ABCB5: variants seen among roughly 807,000 people sequenced by gnomAD.
ABCB5 encodes ATP-binding cassette sub-family B member 5.
Under a neutral mutation model 144.2 loss-of-function variants are expected in ABCB5, and 155 were observed. That is an observed-to-expected ratio of 1.08 (90% CI 0.94 to 1.23). ABCB5 has a LOEUF of 1.23. ABCB5 is among the 50% of genes most tolerant of loss of function. The probability of loss-of-function intolerance (pLI) is 0.00; values close to 1 mark genes in which losing one functional copy is unlikely to be tolerated. For synonymous variants in ABCB5, 610 were observed against 528.6 expected (o/e 1.15, Z -2.11); for missense variants, 1,830 against 1,520.8 (o/e 1.20, Z -3.38).
At position 20,645,863 on chromosome 7, in the gene ABCB5, G is replaced by T; in HGVS notation, c.786G>T (p.Gln262His). The T allele has an allele frequency of 8.7e-6, 14 of 1,613,662 alleles. No homozygotes were observed. Among genetic ancestry groups the T allele is most frequent in the Non-Finnish European group, 1.2e-5 (14 of 1,179,744 alleles). The change falls in exon 8 of 28, where the codon CAG becomes CAT. Residue 262 changes from glutamine (Q) to histidine (H), a missense_variant. Physicochemically the swap from Gln to His is conservative, Grantham distance 24. Coordinates refer to ENST00000404938, the MANE Select transcript of ABCB5 (RefSeq NM_001163941.2). ...SIRTVIAFRA[Q>H]EKELQRYTQN... ...GAACAGTCATAGCCTTTAGGGCCCA[G>T]GAGAAAGAACTTCAAAGGTCTTTCC...
At chr7:20,663,561 G>A (rs1785072879) in intron 14 of ABCB5, among the ~76,000 whole-genome samples, 1 of 152,142 alleles carries the variant, frequency 6.6e-6, no homozygotes, top group Non-Finnish European at 1.5e-5. Flanking sequence ...GAAAGTAGAA[G>A]AGCGGTTACT....
At chr7:20,739,168 A>C in intron 24 of ABCB5, 29 bp downstream of exon 24, 1 of 1,537,488 alleles carries the variant, frequency 6.5e-7, no homozygotes, top group Non-Finnish European at 8.8e-7. Flanking sequence ...TTAAATGTCC[A>C]AATAAAGATG....
In ABCB5 at chr7:20,704,823, T is replaced by A; in HGVS notation, c.2421+16T>A. On this transcript the variant is annotated intron_variant, in intron 20 of 27. Transcript: ENST00000404938. ...AATTCAAGGAGTATGTATATTGTTT[T>A]TATTGTAAATGATGTATGTATGTGG... The A allele has an allele frequency of 6.3e-7, 1 of 1,592,702 alleles. No individual in the cohort carries two copies.
intron 14 of ABCB5, among the ~76,000 whole-genome samples, chr7:20,679,422 G>C (rs558814074): frequency 1.6e-5 from 2 of 124,290 alleles, no homozygotes; most frequent in African/African-American, 6.3e-5. Flanking sequence ...AGTGAGCTGA[G>C]ATCATGCCAT....
intron 23 of ABCB5, among the ~76,000 whole-genome samples, 200 bp from the exon 24 acceptor site, chr7:20,738,783 A>T (rs535552674): frequency 2.3e-4 from 35 of 152,296 alleles, no homozygotes; most frequent in Non-Finnish European, 4.1e-4. Context: ...TCCAAAGTTC[A>T]TTTTGGTGTA....
chr7:20,681,457 G>A (rs1458336162), intron 14 of ABCB5, 48 bp from the exon 15 acceptor site: 1 of 1,599,496 alleles, frequency 6.3e-7, no homozygotes, highest in South Asian at 1.1e-5. Flanking sequence ...TGCAAAGGTT[G>A]TTATTTCTAC....
chr7:20,698,797 T>G (rs1786511343), intron 17 of ABCB5, among the ~76,000 whole-genome samples: 2 of 152,312 alleles, frequency 1.3e-5, no homozygotes, highest in South Asian at 4.1e-4. Flanking sequence ...TTTCTAATTT[T>G]TACTCCAGTG....
At chr7:20,718,843 G>C (rs992270768) in intron 20 of ABCB5, among the ~76,000 whole-genome samples, 1 of 151,898 alleles carries the variant, frequency 6.6e-6, no homozygotes, top group Non-Finnish European at 1.5e-5. Flanking sequence ...CTTCAAGTTG[G>C]GAGAATTACA....
intron 16 of ABCB5, among the ~76,000 whole-genome samples, chr7:20,687,087 A>G (rs1329226446): frequency 6.6e-6 from 1 of 152,226 alleles, no homozygotes; most frequent in Non-Finnish European, 1.5e-5. Flanking sequence ...TAGATGGTAT[A>G]CCATATGACA....
At chr7:20,733,566 C>T (rs1016854391) in intron 23 of ABCB5, among the ~76,000 whole-genome samples, 1 of 151,696 alleles carries the variant, frequency 6.6e-6, no homozygotes, top group Non-Finnish European at 1.5e-5. Context: ...CCCAGTGCCC[C>T]AAGGGAAGGA....
intron 15 of ABCB5, among the ~76,000 whole-genome samples, chr7:20,683,361 T>C (rs1244177432): frequency 2.0e-5 from 3 of 152,222 alleles, no homozygotes; most frequent in Non-Finnish European, 4.4e-5. Flanking sequence ...CGAATTTTTA[T>C]TCCACAGTAG....
chr7:20,755,583 G>A lies in ABCB5; in HGVS notation c.3733G>A (p.Asp1245Asn). ...GTHQELLRNR[D>N]IYFKLVNAQS... ...TCATCAAGAGCTCCTGAGAAATCGA[G>A]ACATATATTTTAAGTTAGTGAATGC... Residue 1245 changes from aspartate (D) to asparagine (N), a missense_variant, in exon 28 of 28, where the codon GAC (aspartate) becomes AAC (asparagine). Physicochemically the swap from Asp to Asn is conservative, Grantham distance 23. Transcript: ENST00000404938. The A allele has an allele frequency of 6.2e-7, 1 of 1,614,176 alleles. No individual in the cohort carries two copies. The highest frequency in any genetic ancestry group is 1.3e-5 in the African/African-American group (1 of 75,048).
intron 19 of ABCB5, among the ~76,000 whole-genome samples, chr7:20,703,496 A>G (rs1786704049): frequency 6.6e-6 from 1 of 152,204 alleles, no homozygotes; most frequent in African/African-American, 2.4e-5. Context: ...ATATTCCTCC[A>G]TAAAAGTTTT....
At chr7:20,644,655 T>G (rs955323533) in intron 7 of ABCB5, among the ~76,000 whole-genome samples, 1 of 152,244 alleles carries the variant, frequency 6.6e-6, no homozygotes, top group Non-Finnish European at 1.5e-5. Context: ...TACCATTGTA[T>G]ATACTCATCT....
At chr7:20,652,534 C>T (rs188619938) in intron 13 of ABCB5, among the ~76,000 whole-genome samples, 6 of 152,130 alleles carry the variant, frequency 3.9e-5, no homozygotes, top group African/African-American at 1.4e-4. Flanking sequence ...CGCACCACTG[C>T]GCTCCAACCT....
At chr7:20,754,052 A>T (rs1354606416) in intron 27 of ABCB5, among the ~76,000 whole-genome samples, 1 of 152,226 alleles carries the variant, frequency 6.6e-6, no homozygotes, top group Non-Finnish European at 1.5e-5. Flanking sequence ...TTTCTTGCAC[A>T]TGTAGGCACT....
rs2128046708 is a variant in ABCB5 at position 20,712,611 on chromosome 7, G to T, written c.2421+7804G>T. Among the ~76,000 whole-genome samples, 2 of 149,082 alleles carry T rather than the reference G, an allele frequency of 1.3e-5. 1 individual carries two copies. Among genetic ancestry groups the T allele is most frequent in the Middle Eastern group, 7.1e-3 (2 of 280 alleles). On this transcript the variant is annotated intron_variant, in intron 20 of 27. Coordinates refer to ENST00000404938, the MANE Select transcript of ABCB5 (RefSeq NM_001163941.2). ...TCTATGCCATGTCTTCAAAACCAAT[G>T]ATCTTTTCTTCTTCAATATTTAATC... is the stretch of plus-strand genomic sequence containing the variant.
At chr7:20,745,644 T>A (rs151313997) in intron 26 of ABCB5, among the ~76,000 whole-genome samples, 1 of 152,368 alleles carries the variant, frequency 6.6e-6, no homozygotes, top group Non-Finnish European at 1.5e-5. Flanking sequence ...CCAAAATGTA[T>A]TAATATTCAC....
chr7:20,700,271 A>G, intron 19 of ABCB5, 136 bp downstream of exon 19: 1 of 728,712 alleles, frequency 1.4e-6, no homozygotes, highest in Non-Finnish European at 2.1e-6. Context: ...AGCAGCAAAA[A>G]TCTGATGTCA....
Sources: allele counts gnomAD v4.1 joint callset (sites outside exome capture counted in the v4.1 genomes callset), GRCh38; gene constraint gnomAD v4.1.1; transcripts MANE v1.5; gene names NCBI Gene and HGNC (gene_info 2026-07-23, HGNC 2026-07-21).